The following TMEM132B variants were observed in gnomAD, a reference collection of about 807,000 sequenced individuals.
The protein encoded by TMEM132B is transmembrane protein 132B.
TMEM132B carries 18 observed loss-of-function variants against 90.8 expected under a neutral mutation model. That is an observed-to-expected ratio of 0.20 (90% confidence interval 0.14 to 0.29). The LOEUF (loss-of-function observed/expected upper bound fraction) is 0.29, where lower values mean the gene tolerates loss of function less well. Among genes scored for constraint, TMEM132B ranks in the 10% least tolerant of loss-of-function variants. TMEM132B has a pLI of 1.00. For synonymous variants in TMEM132B, 504 were observed against 523.3 expected (o/e 0.96, Z 0.50); for missense variants, 1,096 against 1,326.8 (o/e 0.83, Z 2.70).
At chr12:125,502,137 C>T (rs1005163504) in intron 3 of TMEM132B, among the ~76,000 whole-genome samples, 13 of 152,182 alleles carry the variant, frequency 8.5e-5, no homozygotes, top group Non-Finnish European at 1.6e-4. Context: ...TTGCCTGGAA[C>T]CCTGATCCTT....
chr12:125,310,727 C>T (rs1356794220), intron 1 of TMEM132B, among the ~76,000 whole-genome samples: 1 of 152,076 alleles, frequency 6.6e-6, no homozygotes, highest in African/African-American at 2.4e-5. Context: ...ACTTTGACCT[C>T]CCCCCCAACA....
intron 2 of TMEM132B, among the ~76,000 whole-genome samples, chr12:125,371,007 A>G (rs1034851562): frequency 6.6e-6 from 1 of 152,200 alleles, no homozygotes; most frequent in African/African-American, 2.4e-5. Context: ...AGGGAAGCTG[A>G]TGGTGCAGCC....
chr12:125,272,974 C>T (rs1348696843), intron 1 of TMEM132B, among the ~76,000 whole-genome samples: 2 of 152,150 alleles, frequency 1.3e-5, no homozygotes, highest in Admixed American at 1.3e-4. Context: ...ACTCATGGTG[C>T]CCTTTTGAAC....
Position 125,654,258 on chromosome 12 carries a change from A to C in TMEM132B, c.2800A>C (p.Lys934Gln). The C allele has an allele frequency of 6.2e-7, 1 of 1,614,088 alleles. No individual in the cohort carries two copies. Among genetic ancestry groups the C allele is most frequent in the East Asian group, 2.2e-5 (1 of 44,862 alleles). Residue 934 changes from lysine (K) to glutamine (Q), a missense_variant, in exon 9 of 9, where the codon AAA becomes CAA. By Grantham distance (53) the Lys-to-Gln change is moderately conservative (BLOSUM62 1). Transcript: ENST00000682704. This position sits in a 1 kb window ranked among gnomAD's most constrained non-coding sequence, Gnocchi z 5.8. ...CVAFAWKYRH[K>Q]RFAVSEQGNI... The stretch of plus-strand genomic sequence containing the variant: ...GGCGTTTGCCTGGAAATACAGACAC[A>C]AAAGGTTTGCTGTGAGTGAGCAGGG...
chr12:125,330,823 C>T (rs983788046), intron 1 of TMEM132B, among the ~76,000 whole-genome samples: 1 of 152,222 alleles, frequency 6.6e-6, no homozygotes, highest in Non-Finnish European at 1.5e-5. Flanking sequence ...GGAAGGACTG[C>T]CTGAGGCCAG....
rs993416639 is a variant in TMEM132B, at chr12:125,657,357, G to C, written c.*2647G>C. On this transcript the variant is annotated 3_prime_UTR_variant, in exon 9 of 9. Transcript: ENST00000682704. The stretch of plus-strand genomic sequence containing the variant: ...TACCCGTGTGTGTGTGTGTGTGTGT[G>C]TGTGTGTGTGTGAATACTGAAGAGC... 1 of 152,230 alleles carries C rather than the reference G, an allele frequency of 6.6e-6. No individual in the cohort carries two copies. The highest frequency in any genetic ancestry group is 1.5e-5 in the Non-Finnish European group (1 of 68,060). 9.4% of individuals were successfully genotyped at this position (152,230 alleles called of 1,614,324 possible). A position where few individuals can be genotyped will look rare whatever the true frequency, so the allele number is the denominator to read the frequency against.
intron 5 of TMEM132B, 93 bp downstream of exon 5, chr12:125,584,087 C>T (rs1249831009): frequency 1.9e-6 from 3 of 1,568,658 alleles, no homozygotes; most frequent in Admixed American, 1.7e-5. Flanking sequence ...ACTGAGCATC[C>T]CATGCTCTAA....
intron 5 of TMEM132B, among the ~76,000 whole-genome samples, chr12:125,604,217 C>T (rs1156301184): frequency 1.3e-5 from 2 of 152,116 alleles, no homozygotes; most frequent in African/African-American, 4.8e-5. Flanking sequence ...CAATGATAGA[C>T]TGGATAAAGA....
intron 1 of TMEM132B, among the ~76,000 whole-genome samples, chr12:125,200,410 C>T (rs746207569): frequency 6.6e-6 from 1 of 152,050 alleles, no homozygotes; most frequent in East Asian, 1.9e-4. Flanking sequence ...TACATATACC[C>T]CTTGTCTCTT....
chr12:125,193,868 T>C (rs1872858458), intron 1 of TMEM132B, among the ~76,000 whole-genome samples: 1 of 152,198 alleles, frequency 6.6e-6, no homozygotes, highest in Non-Finnish European at 1.5e-5. Context: ...AACTTCAATG[T>C]CAAGTGCCAT....
intron 4 of TMEM132B, among the ~76,000 whole-genome samples, chr12:125,569,850 G>A (rs1343213063): frequency 6.6e-6 from 1 of 152,144 alleles, no homozygotes; most frequent in Non-Finnish European, 1.5e-5. Context: ...AGAGGCGTCA[G>A]AGGCTGGAAT....
chr12:125,657,336 C>CGT lies in TMEM132B; in HGVS notation c.*2658_*2659dup, dbSNP rs113651659. 39,103 of 100,158 alleles carry CGT rather than the reference C, an allele frequency of 0.39. 5,253 individuals carry two copies. Among genetic ancestry groups the CGT allele is most frequent in the South Asian group, 0.49 (1,534 of 3,114 alleles). 6.2% of individuals were successfully genotyped at this position (100,158 alleles called of 1,614,324 possible). A position where few individuals can be genotyped will look rare whatever the true frequency, so the allele number is the denominator to read the frequency against. ...ATAAACGCATATACATACATATACC[C>CGT]GTGTGTGTGTGTGTGTGTGTGTGTG... On this transcript the variant is annotated 3_prime_UTR_variant, in exon 9 of 9. Coordinates refer to ENST00000682704, the MANE Select transcript of TMEM132B (RefSeq NM_001366854.1).
At chr12:125,553,286 C>T (rs896267648) in intron 4 of TMEM132B, among the ~76,000 whole-genome samples, 12 of 152,182 alleles carry the variant, frequency 7.9e-5, no homozygotes, top group Non-Finnish European at 1.8e-4. Context: ...TAAATGAGCA[C>T]CTGGTAGACG....
intron 3 of TMEM132B, among the ~76,000 whole-genome samples, chr12:125,469,378 C>A (rs1055422668): frequency 1.6e-4 from 24 of 152,192 alleles, no homozygotes; most frequent in Middle Eastern, 3.2e-3. Flanking sequence ...CCTTAAAAGA[C>A]CTCATTCTCA....
chr12:125,423,007 T>C (rs1337052213), intron 3 of TMEM132B, among the ~76,000 whole-genome samples: 1 of 152,202 alleles, frequency 6.6e-6, no homozygotes, highest in Non-Finnish European at 1.5e-5. Context: ...CAATCCTGGA[T>C]GCCCATCAGT....
chr12:125,222,689 A>G (rs7306458), intron 1 of TMEM132B, among the ~76,000 whole-genome samples: 5,588 of 152,256 alleles, frequency 0.037, 312 homozygotes, highest in African/African-American at 0.11. Flanking sequence ...TTACATTTTG[A>G]GCTGGATAAT....
intron 5 of TMEM132B, among the ~76,000 whole-genome samples, chr12:125,599,149 G>A (rs1566085456): frequency 6.6e-6 from 1 of 152,096 alleles, no homozygotes; most frequent in Non-Finnish European, 1.5e-5. Context: ...CTGAATCAGG[G>A]GTGTGGGTTT....
chr12:125,316,675 T>C (rs1301453681), intron 1 of TMEM132B, among the ~76,000 whole-genome samples: 1 of 135,514 alleles, frequency 7.4e-6, no homozygotes, highest in African/African-American at 2.9e-5. Context: ...GGGCAGCTCA[T>C]TCCGGAAGAG....
chr12:125,348,026 T>C (rs549834967), intron 1 of TMEM132B, among the ~76,000 whole-genome samples: 38 of 152,290 alleles, frequency 2.5e-4, no homozygotes, highest in African/African-American at 8.7e-4. Flanking sequence ...AACATAAATA[T>C]ATACATTTAC....
Sources: allele counts gnomAD v4.1 joint callset (sites outside exome capture counted in the v4.1 genomes callset), GRCh38; gene constraint gnomAD v4.1.1; non-coding constraint Gnocchi (gnomAD v3.1); transcripts MANE v1.5; gene names NCBI Gene and HGNC (gene_info 2026-07-23, HGNC 2026-07-21).